Variants in TTL observed in about 807,000 individuals in gnomAD.
The protein encoded by TTL is tubulin--tyrosine ligase.
A neutral mutation model predicts 41.1 loss-of-function variants in TTL; 10 were observed. The ratio of observed to expected loss-of-function variants is 0.24; its 90% CI spans 0.15 to 0.41. The LOEUF (loss-of-function observed/expected upper bound fraction) is 0.41, where lower values mean the gene tolerates loss of function less well. Ranked by LOEUF, TTL falls within the 10% of genes least tolerant of loss-of-function variation. The probability of loss-of-function intolerance (pLI) is 1.00; values close to 1 mark genes in which losing one functional copy is unlikely to be tolerated. For synonymous variants in TTL, 175 were observed against 175.5 expected (o/e 1.00, Z 0.02); for missense variants, 367 against 460.4 (o/e 0.80, Z 1.86).
At chr2:112,524,716 TA>T (rs1559020834) in intron 6 of TTL, among the ~76,000 whole-genome samples, 2 of 152,188 alleles carry the variant, frequency 1.3e-5, no homozygotes, top group African/African-American at 4.8e-5. Context: ...GGGTAGATTG[TA>T]AAAATTTTCT....
intron 1 of TTL, among the ~76,000 whole-genome samples, chr2:112,485,524 G>C (rs1352338764): frequency 6.6e-6 from 1 of 152,204 alleles, no homozygotes; most frequent in African/African-American, 2.4e-5. Flanking sequence ...TACGGATGTG[G>C]AAAGCGTGAC....
At position 112,529,702 on chromosome 2, in the gene TTL, C is replaced by T. The variant is rs949910346; in HGVS notation, c.*907C>T. Reference sequence around the variant, plus strand: ...AGTAAAATTCCACTCCCCAAGTGGCCCTGCCCCAGACAAAGGTTGCTTTCC... The same window carrying T: ...AGTAAAATTCCACTCCCCAAGTGGCTCTGCCCCAGACAAAGGTTGCTTTCC... On this transcript the variant is annotated 3_prime_UTR_variant, in exon 7 of 7. Transcript: ENST00000233336. 1 of 221,920 alleles carries T rather than the reference C, an allele frequency of 4.5e-6. No individual in the cohort carries two copies. Among genetic ancestry groups the T allele is most frequent in the Non-Finnish European group, 9.0e-6 (1 of 111,128 alleles). The allele number at this position is 221,920 out of a possible 1,614,324, so 13.7% of individuals were successfully genotyped here.
At chr2:112,518,189 G>A (rs1046167979) in intron 5 of TTL, among the ~76,000 whole-genome samples, 15 of 149,278 alleles carry the variant, frequency 1.0e-4, no homozygotes, top group African/African-American at 3.4e-4. Context: ...ATGTTGGTCT[G>A]GCTGGTCTCA....
chr2:112,520,017 C>T (rs1481609420), intron 5 of TTL, among the ~76,000 whole-genome samples: 2 of 151,504 alleles, frequency 1.3e-5, no homozygotes, highest in African/African-American at 4.9e-5. Context: ...GTAATCCCAG[C>T]TGCTCGGGAG....
chr2:112,538,685 C>T lies in TTL; in HGVS notation c.*9890C>T, dbSNP rs1682645792. 6.6e-6 allele frequency: 1 copy of T among 151,810 alleles called. No individual in the cohort carries two copies. The highest frequency in any genetic ancestry group is 1.5e-5 in the Non-Finnish European group (1 of 67,996). 9.4% of individuals were successfully genotyped at this position (151,810 alleles called of 1,614,324 possible). A position where few individuals can be genotyped will look rare whatever the true frequency, so the allele number is the denominator to read the frequency against. ...CCCAGCTACTCTGATGGCTGAGGCACAAGAATCGCTTGAACCTGAGAAGAG... is the reference window on the plus strand; with the variant it reads ...CCCAGCTACTCTGATGGCTGAGGCATAAGAATCGCTTGAACCTGAGAAGAG... On this transcript the variant is annotated 3_prime_UTR_variant, in exon 7 of 7. Transcript: ENST00000233336.
At chr2:112,517,728 A>G (rs1293003788) in intron 5 of TTL, among the ~76,000 whole-genome samples, 1 of 151,086 alleles carries the variant, frequency 6.6e-6, no homozygotes, top group African/African-American at 2.4e-5. Flanking sequence ...AGATCACTTC[A>G]GCCCAGGAGT....
At chr2:112,512,261 T>C (rs1392978873) in intron 5 of TTL, among the ~76,000 whole-genome samples, 1 of 151,382 alleles carries the variant, frequency 6.6e-6, no homozygotes, top group Non-Finnish European at 1.5e-5. Context: ...TCAGCTAATT[T>C]TGTATTTTTT....
At chr2:112,503,403 G>A (rs11675091) in intron 5 of TTL, among the ~76,000 whole-genome samples, 16,910 of 143,222 alleles carry the variant, frequency 0.12, 1,034 homozygotes, top group South Asian at 0.15. Context: ...GTGTGTGTGT[G>A]TATATATATA....
At position 112,528,809 on chromosome 2, in the gene TTL, C is replaced by T. The variant is rs529245105; in HGVS notation, c.*14C>T. 1.2e-6 allele frequency: 2 copies of T among 1,606,278 alleles called. No individual in the cohort carries two copies. The highest frequency in any genetic ancestry group is 2.2e-5 in the East Asian group (1 of 44,816). On this transcript the variant is annotated 3_prime_UTR_variant, in exon 7 of 7. Coordinates refer to ENST00000233336, the MANE Select transcript of TTL (RefSeq NM_153712.5). ...ATCAAGCTGTGACAGAGGGCACTCCCTGCTGCCTTGGAAAAAGCACGGGGT... is the reference window on the plus strand; with the variant it reads ...ATCAAGCTGTGACAGAGGGCACTCCTTGCTGCCTTGGAAAAAGCACGGGGT...
rs566111250 is a variant in TTL, at chr2:112,499,950, A to G, written c.470-1256A>G. 1.9e-3 allele frequency among the ~76,000 whole-genome samples: 286 copies of G among 152,362 alleles called. 1 individual carries two copies. Among genetic ancestry groups the G allele is most frequent in the African/African-American group, 6.5e-3 (270 of 41,596 alleles). On this transcript the variant is annotated intron_variant, in intron 3 of 6. Coordinates refer to ENST00000233336, the MANE Select transcript of TTL (RefSeq NM_153712.5). ...TGCAAATCTTATAGCAGCATTATTCATAAGAGGCAGACAAGAATGGAACCA... is the reference window on the plus strand; with the variant it reads ...TGCAAATCTTATAGCAGCATTATTCGTAAGAGGCAGACAAGAATGGAACCA...
chr2:112,494,424 G>A (rs754186254), intron 3 of TTL, 49 bp downstream of exon 3: 1 of 1,443,732 alleles, frequency 6.9e-7, no homozygotes, highest in South Asian at 1.2e-5. Flanking sequence ...AGTTGCTATT[G>A]TGATGTATTT....
intron 5 of TTL, among the ~76,000 whole-genome samples, chr2:112,516,545 A>G (rs1486546409): frequency 6.6e-6 from 1 of 152,142 alleles, no homozygotes; most frequent in African/African-American, 2.4e-5. Context: ...ATGGTGGCAT[A>G]TGCCTGTAAT....
intron 5 of TTL, among the ~76,000 whole-genome samples, chr2:112,518,539 G>T (rs1466105558): frequency 1.3e-5 from 2 of 152,064 alleles, no homozygotes; most frequent in Non-Finnish European, 2.9e-5. Flanking sequence ...AGGGCCGAGG[G>T]CGGAGGATTG....
At chr2:112,496,801 G>C (rs1462003842) in intron 3 of TTL, among the ~76,000 whole-genome samples, 1 of 149,112 alleles carries the variant, frequency 6.7e-6, no homozygotes, top group East Asian at 2.0e-4. Context: ...TCGACTTCCT[G>C]GGCTCAAGCG....
intron 5 of TTL, among the ~76,000 whole-genome samples, chr2:112,513,734 TTACA>T (rs1681992487): frequency 6.6e-6 from 1 of 151,924 alleles, no homozygotes; most frequent in African/African-American, 2.4e-5. Flanking sequence ...TTTATTTCAC[TTACA>T]TAAGTTAAAC....
chr2:112,495,245 G>T (rs951701203), intron 3 of TTL, among the ~76,000 whole-genome samples: 1 of 152,080 alleles, frequency 6.6e-6, no homozygotes, highest in African/African-American at 2.4e-5. Flanking sequence ...ATCTAAAATA[G>T]CCTCCGTGTC....
At chr2:112,501,908 T>C (rs1354021199) in intron 4 of TTL, among the ~76,000 whole-genome samples, 1 of 151,774 alleles carries the variant, frequency 6.6e-6, no homozygotes, top group African/African-American at 2.4e-5. Flanking sequence ...AAATGACTTG[T>C]GGATTCAAAG....
At position 112,537,782 on chromosome 2, in the gene TTL, G is replaced by A. The variant is rs1210938544; in HGVS notation, c.*8987G>A. 1 of 152,184 alleles carries A rather than the reference G, an allele frequency of 6.6e-6. No individual in the cohort carries two copies. Among genetic ancestry groups the A allele is most frequent in the Non-Finnish European group, 1.5e-5 (1 of 68,038 alleles). 9.4% of individuals were successfully genotyped at this position (152,184 alleles called of 1,614,324 possible). ...ACAGACAATTTAACTACAATAGTTG[G>A]AACCCTCAAAACTCCATTTCAATAA... On this transcript the variant is annotated 3_prime_UTR_variant, in exon 7 of 7. Transcript: ENST00000233336.
At chr2:112,498,410 G>C (rs986606668) in intron 3 of TTL, among the ~76,000 whole-genome samples, 1 of 152,078 alleles carries the variant, frequency 6.6e-6, no homozygotes, top group African/African-American at 2.4e-5. Context: ...GACATGTATA[G>C]GCTCTGTGTG....
Sources: gnomAD v4.1 joint callset for allele counts (sites outside exome capture counted in the v4.1 genomes callset) on GRCh38, gnomAD v4.1.1 for gene constraint, MANE v1.5 for transcripts, NCBI Gene and HGNC (gene_info 2026-07-23, HGNC 2026-07-21) for gene names.